ABCB5: variants seen among roughly 807,000 people sequenced by gnomAD.
ABCB5 encodes the protein ATP binding cassette subfamily B member 5, also known as ATP-binding cassette sub-family B member 5.
A neutral mutation model predicts 144.2 loss-of-function variants in ABCB5; 155 were observed. That is an observed-to-expected ratio of 1.08 (90% CI 0.94 to 1.23). The LOEUF is 1.23. Ranked by LOEUF, ABCB5 falls within the 50% of genes most tolerant of loss-of-function variation. The pLI is 0.00. For missense variants in ABCB5, 1,830 were observed against 1,520.8 expected (o/e 1.20, Z -3.38); for synonymous variants, 610 against 528.6 (o/e 1.15, Z -2.11).
At chr7:20,657,144 A>C (rs1784831261) in intron 13 of ABCB5, among the ~76,000 whole-genome samples, 1 of 151,942 alleles carries the variant, frequency 6.6e-6, no homozygotes, top group South Asian at 2.1e-4. Flanking sequence ...CCTGGCTTCA[A>C]CCAATCCACC....
intron 14 of ABCB5, among the ~76,000 whole-genome samples, chr7:20,665,156 G>A (rs1172626353): frequency 6.6e-6 from 1 of 152,136 alleles, no homozygotes; most frequent in African/African-American, 2.4e-5. Flanking sequence ...TTTACATTTT[G>A]AAAGTGTTTC....
chr7:20,643,634 T>C lies in ABCB5; in HGVS notation c.678+2T>C. On this transcript the variant is annotated splice_donor_variant, in intron 7 of 27. Coordinates refer to ENST00000404938, the MANE Select transcript of ABCB5 (RefSeq NM_001163941.2). LOFTEE classifies it high-confidence loss of function. Reference sequence around the variant, plus strand: ...GCTTCAGCGGCAGCATGTTCTAGGGTAAGTGAGATGGCTAATGCAATATTG... The same window carrying C: ...GCTTCAGCGGCAGCATGTTCTAGGGCAAGTGAGATGGCTAATGCAATATTG... 6.2e-7 allele frequency: 1 copy of C among 1,613,664 alleles called. No individual in the cohort carries two copies.
chr7:20,652,851 T>G (rs1398882401), intron 13 of ABCB5, among the ~76,000 whole-genome samples: 1 of 152,186 alleles, frequency 6.6e-6, no homozygotes, highest in African/African-American at 2.4e-5. Context: ...TCCCAGAGGG[T>G]CACAATAACA....
chr7:20,647,347 C>T (rs755219703), intron 9 of ABCB5, 188 bp from the exon 10 acceptor site: 14 of 1,341,170 alleles, frequency 1.0e-5, no homozygotes, highest in South Asian at 2.1e-5. Flanking sequence ...GTTTCTATTG[C>T]TTCTCGGCCT....
rs1583375678 is a variant in ABCB5, at chr7:20,626,440, T to C, written c.54-117T>C. 6 of 737,800 alleles carry C rather than the reference T, an allele frequency of 8.1e-6. No homozygotes were observed. In the East Asian group the frequency reaches 1.2e-4, roughly 14 times the overall value. The allele number at this position is 737,800 out of a possible 1,614,324, so 45.7% of individuals were successfully genotyped here. A position where few individuals can be genotyped will look rare whatever the true frequency, so the allele number is the denominator to read the frequency against. On this transcript the variant is annotated intron_variant, in intron 2 of 27. Transcript: ENST00000404938. ...ATTAAGTTTATTTTTAAAATTTCAG[T>C]GTTGGTATAAATTTGCTACCAAGGT...
rs548354323 is a variant in ABCB5 at position 20,662,504 on chromosome 7, C to T, written c.1707+3828C>T. On this transcript the variant is annotated intron_variant, in intron 14 of 27. Transcript: ENST00000404938. ...AAACACACACACACTAATGCACACA[C>T]ATTTTGAATGTCTGTGTCAATTAAA... Among the ~76,000 whole-genome samples the T allele has an allele frequency of 3.7e-4, 56 of 152,314 alleles. 1 individual carries two copies. The highest frequency in any genetic ancestry group is 1.3e-3 in the African/African-American group (55 of 41,566).
At chr7:20,719,090 G>A (rs1169787396) in intron 20 of ABCB5, among the ~76,000 whole-genome samples, 1 of 152,148 alleles carries the variant, frequency 6.6e-6, no homozygotes, top group Admixed American at 6.5e-5. Context: ...AACCAAATCT[G>A]AATGTGTATA....
chr7:20,620,923 TCAAA>T (rs1783793923), intron 1 of ABCB5, among the ~76,000 whole-genome samples: 1 of 152,096 alleles, frequency 6.6e-6, no homozygotes, highest in Non-Finnish European at 1.5e-5. Context: ...ACGAGGATAC[TCAAA>T]CAAATACTTC....
chr7:20,685,979 C>G (rs747311880), intron 16 of ABCB5, 143 bp downstream of exon 16: 10 of 895,856 alleles, frequency 1.1e-5, no homozygotes, highest in African/African-American at 1.7e-5. Context: ...AAATTTCACT[C>G]TAGCATCAGT....
chr7:20,619,468 A>G (rs933376633), intron 1 of ABCB5, among the ~76,000 whole-genome samples: 3 of 152,094 alleles, frequency 2.0e-5, no homozygotes, highest in African/African-American at 4.8e-5. Flanking sequence ...TTTGTTGGCC[A>G]CTTGTATGTC....
intron 20 of ABCB5, among the ~76,000 whole-genome samples, chr7:20,717,105 A>C (rs1781698212): frequency 6.6e-6 from 1 of 152,134 alleles, no homozygotes; most frequent in African/African-American, 2.4e-5. Context: ...AAAGACATGG[A>C]AGGCCTCCAA....
chr7:20,645,717 A>G (rs767880845), intron 7 of ABCB5, 39 bp from the exon 8 acceptor site: 1 of 1,611,136 alleles, frequency 6.2e-7, no homozygotes, highest in Non-Finnish European at 8.5e-7. Context: ...TTATTACTAC[A>G]CAGAGTCATT....
chr7:20,630,286 A>G (rs1190173411), intron 4 of ABCB5, among the ~76,000 whole-genome samples: 1 of 152,092 alleles, frequency 6.6e-6, no homozygotes, highest in Non-Finnish European at 1.5e-5. Flanking sequence ...CATCAACATT[A>G]GCCTTTCTTT....
chr7:20,652,296 G>T (rs1447511687), intron 13 of ABCB5, among the ~76,000 whole-genome samples: 2 of 152,148 alleles, frequency 1.3e-5, no homozygotes, highest in Non-Finnish European at 2.9e-5. Flanking sequence ...GGCCGGGTGC[G>T]GTGGCTCACG....
chr7:20,666,754 T>A (rs1785208506), intron 14 of ABCB5: 1 of 1,598,594 alleles, frequency 6.3e-7, no homozygotes, highest in Admixed American at 1.7e-5. Context: ...TATTGTATTT[T>A]CTAGAAAAAA....
intron 22 of ABCB5, among the ~76,000 whole-genome samples, 158 bp from the exon 23 acceptor site, chr7:20,728,157 G>C (rs1436205991): frequency 3.0e-5 from 1 of 33,438 alleles, no homozygotes; most frequent in African/African-American, 1.4e-4. Flanking sequence ...ATTCTCAGTA[G>C]TAAAAAAAAA....
In ABCB5 at chr7:20,727,065, T is replaced by G; in HGVS notation, c.2651T>G (p.Ile884Arg). The change falls in exon 22 of 28, where the codon ATA becomes AGA. Residue 884 changes from isoleucine to arginine, a missense_variant. By Grantham distance (97) the Ile-to-Arg change is moderately conservative. Coordinates refer to ENST00000404938, the MANE Select transcript of ABCB5 (RefSeq NM_001163941.2). Reference sequence around the variant, plus strand: ...ATAGCAACTGAAGCTTTGGAGAATATACGTACTATAGTGTCATTAACAAGG... The same window carrying G: ...ATAGCAACTGAAGCTTTGGAGAATAGACGTACTATAGTGTCATTAACAAGG... Reference protein sequence around the residue: ...GKIATEALENIRTIVSLTREK... With the variant: ...GKIATEALENRRTIVSLTREK... The G allele has an allele frequency of 1.2e-6, 2 of 1,612,940 alleles. No homozygotes were observed. The highest frequency in any genetic ancestry group is 1.7e-4 in the Middle Eastern group (1 of 6,030).
chr7:20,645,653 A>C, intron 7 of ABCB5, 103 bp from the exon 8 acceptor site: 1 of 1,389,492 alleles, frequency 7.2e-7, no homozygotes, highest in Non-Finnish European at 9.8e-7. Flanking sequence ...GTCTAAAAAA[A>C]TACCATTAGT....
rs113369941 is a variant in ABCB5 at position 20,682,810 on chromosome 7, T to G, written c.1869+1144T>G. On this transcript the variant is annotated intron_variant, in intron 15 of 27. Coordinates refer to ENST00000404938, the MANE Select transcript of ABCB5 (RefSeq NM_001163941.2). ...GAAAGCTCATACTGGGCAATCAAGC[T>G]GGGGCATGATGATGCTGGAGGCACA... 3.2e-3 allele frequency among the ~76,000 whole-genome samples: 482 copies of G among 152,250 alleles called. 4 individuals are homozygous for G. The highest frequency in any genetic ancestry group is 0.011 in the African/African-American group (455 of 41,544).
Sources: allele counts gnomAD v4.1 joint callset (sites outside exome capture counted in the v4.1 genomes callset), GRCh38; gene constraint gnomAD v4.1.1; transcripts MANE v1.5; gene names NCBI Gene and HGNC (gene_info 2026-07-23, HGNC 2026-07-21).